Variants in FUT8 observed in about 807,000 individuals in gnomAD.
FUT8 encodes the protein alpha-(1,6)-fucosyltransferase.
A neutral mutation model predicts 71.3 loss-of-function variants in FUT8; 29 were observed. That is an observed-to-expected ratio of 0.41 (90% CI 0.30 to 0.55). The LOEUF (loss-of-function observed/expected upper bound fraction) is 0.55. FUT8 is among the 20% of genes least tolerant of loss of function. The pLI, the probability that FUT8 is intolerant of heterozygous loss-of-function variation, is 0.34. For synonymous variants in FUT8, 254 were observed against 239.3 expected (o/e 1.06, Z -0.57); for missense variants, 544 against 702.1 (o/e 0.77, Z 2.55).
chr14:65,692,795 C>T (rs1443699327), intron 7 of FUT8, among the ~76,000 whole-genome samples: 6 of 149,528 alleles, frequency 4.0e-5, no homozygotes, highest in African/African-American at 1.2e-4. Flanking sequence ...TCAGAGGGGG[C>T]GGCCGGGCAG....
At chr14:65,687,302 G>T (rs1893339185) in intron 7 of FUT8, among the ~76,000 whole-genome samples, 1 of 151,932 alleles carries the variant, frequency 6.6e-6, no homozygotes, top group African/African-American at 2.4e-5. Context: ...AAATCACATG[G>T]TGAGGTATCA....
intron 1 of FUT8, among the ~76,000 whole-genome samples, chr14:65,453,728 G>A (rs1244778865): frequency 6.6e-6 from 1 of 152,108 alleles, no homozygotes; most frequent in Non-Finnish European, 1.5e-5. Flanking sequence ...GATGTTTTTT[G>A]TCTGACTTTA....
At chr14:65,414,380 A>G (rs937504467) in intron 1 of FUT8, among the ~76,000 whole-genome samples, 5 of 152,186 alleles carry the variant, frequency 3.3e-5, no homozygotes, top group African/African-American at 9.7e-5. Flanking sequence ...CATCATATAG[A>G]AAGTATTTTA....
chr14:65,610,250 A>G (rs184283330), intron 3 of FUT8, among the ~76,000 whole-genome samples: 199 of 152,012 alleles, frequency 1.3e-3, no homozygotes, highest in Admixed American at 2.8e-3. Flanking sequence ...AAGTGGTGAG[A>G]GAGGACATCT....
At chr14:65,457,357 A>G (rs1278166460) in intron 2 of FUT8, among the ~76,000 whole-genome samples, 1 of 152,208 alleles carries the variant, frequency 6.6e-6, no homozygotes, top group Non-Finnish European at 1.5e-5. Flanking sequence ...CTTGCAATTT[A>G]TGGTCATTTT....
chr14:65,615,850 G>A, intron 3 of FUT8, 128 bp from the exon 4 acceptor site: 1 of 614,210 alleles, frequency 1.6e-6, no homozygotes, highest in Non-Finnish European at 2.8e-6. Context: ...ATTCCATTTG[G>A]TACTACTTTT....
At chr14:65,519,000 T>C (rs1389017595) in intron 2 of FUT8, among the ~76,000 whole-genome samples, 1 of 152,228 alleles carries the variant, frequency 6.6e-6, no homozygotes, top group African/African-American at 2.4e-5. Flanking sequence ...AGGTCTACTA[T>C]GTATCAGACA....
At chr14:65,565,558 A>G (rs1287594181) in intron 3 of FUT8, among the ~76,000 whole-genome samples, 1 of 151,960 alleles carries the variant, frequency 6.6e-6, no homozygotes, top group Non-Finnish European at 1.5e-5. Context: ...TGTTAACTGC[A>G]TATTTAACTT....
intron 7 of FUT8, among the ~76,000 whole-genome samples, chr14:65,687,167 G>C (rs1273275162): frequency 6.6e-6 from 1 of 151,102 alleles, no homozygotes; most frequent in East Asian, 1.9e-4. Flanking sequence ...ATCATTCCAG[G>C]ACTAGCCCTC....
At chr14:65,689,936 A>G (rs1464681569) in intron 7 of FUT8, among the ~76,000 whole-genome samples, 1 of 152,262 alleles carries the variant, frequency 6.6e-6, no homozygotes, top group African/African-American at 2.4e-5. Flanking sequence ...TGCCAAATCC[A>G]CAGTCACCTA....
At chr14:65,365,877 G>A in the FUT8 span, among the ~76,000 whole-genome samples, 44 of 151,316 alleles carry the variant, frequency 2.9e-4, no homozygotes, top group Admixed American at 1.1e-3. Context: ...TTGTTCTGTC[G>A]CCCAGGCTAT....
chr14:65,494,248 TA>T (rs1218759662), intron 2 of FUT8, among the ~76,000 whole-genome samples: 2 of 152,166 alleles, frequency 1.3e-5, no homozygotes, highest in African/African-American at 2.4e-5. Context: ...CTAATCAATA[TA>T]AAAATATCAA....
intron 6 of FUT8, among the ~76,000 whole-genome samples, chr14:65,646,908 T>A (rs1218145419): frequency 2.0e-5 from 3 of 152,210 alleles, no homozygotes; most frequent in Non-Finnish European, 4.4e-5. Flanking sequence ...CATTAAATAT[T>A]GTTCTGTGGT....
At chr14:65,682,844 A>T (rs915558952) in intron 7 of FUT8, among the ~76,000 whole-genome samples, 1 of 152,180 alleles carries the variant, frequency 6.6e-6, no homozygotes, top group Admixed American at 6.5e-5. Flanking sequence ...TTTCAAGTGA[A>T]TCAAAAACAA....
intron 6 of FUT8, among the ~76,000 whole-genome samples, chr14:65,654,076 GTTT>G (rs1182209303): frequency 2.0e-5 from 3 of 152,150 alleles, no homozygotes; most frequent in Non-Finnish European, 2.9e-5. Flanking sequence ...CTCCTGTTGA[GTTT>G]TTAAAATGTT....
rs1372909333 is a variant in FUT8 at position 65,603,464 on chromosome 14, C to CT, written c.204-12508dup. Among the ~76,000 whole-genome samples the CT allele has an allele frequency of 6.6e-6, 1 of 151,280 alleles. No homozygotes were observed. The highest frequency in any genetic ancestry group is 1.5e-5 in the Non-Finnish European group (1 of 67,754). On this transcript the variant is annotated intron_variant, in intron 3 of 10. Coordinates refer to ENST00000673929, the MANE Select transcript of FUT8 (RefSeq NM_001371533.1). The surrounding 1 kb of genome is among the most constrained non-coding windows in gnomAD (Gnocchi z 4.5). Reference sequence around the variant, plus strand: ...AGTCTTGGCTTTGGCTTTGTGGGCTCTTTTTTGGTTCCATGTGAATTTTAG... The same window carrying CT: ...AGTCTTGGCTTTGGCTTTGTGGGCTCTTTTTTTGGTTCCATGTGAATTTTAG...
chr14:65,508,988 AATC>A (rs1882156887), intron 2 of FUT8, among the ~76,000 whole-genome samples: 1 of 152,096 alleles, frequency 6.6e-6, no homozygotes, highest in African/African-American at 2.4e-5. Flanking sequence ...TTACTTAAGA[AATC>A]ATTGCCCAGA....
At chr14:65,644,508 C>G (rs904683107) in intron 6 of FUT8, among the ~76,000 whole-genome samples, 1 of 151,978 alleles carries the variant, frequency 6.6e-6, no homozygotes, top group African/African-American at 2.4e-5. Context: ...TGCAGGCGCC[C>G]ATCACCATGC....
At chr14:65,598,108 A>G (rs1003791588) in intron 3 of FUT8, among the ~76,000 whole-genome samples, 2 of 152,208 alleles carry the variant, frequency 1.3e-5, no homozygotes, top group Non-Finnish European at 2.9e-5. Context: ...CAGGAAGTCA[A>G]GGCTACACAG....
Sources: allele counts gnomAD v4.1 joint callset (sites outside exome capture counted in the v4.1 genomes callset), GRCh38; gene constraint gnomAD v4.1.1; non-coding constraint Gnocchi (gnomAD v3.1); transcripts MANE v1.5; gene names NCBI Gene and HGNC (gene_info 2026-07-23, HGNC 2026-07-21).